MAP4: variants seen among roughly 807,000 people sequenced by gnomAD.
MAP4 encodes microtubule associated protein 4, also known as microtubule-associated protein 4.
MAP4 carries 76 observed loss-of-function variants against 170.2 expected under a neutral mutation model. The ratio of observed to expected loss-of-function variants is 0.45; its 90% confidence interval spans 0.37 to 0.54. The LOEUF is 0.54. Among genes scored for constraint, MAP4 ranks in the 20% least tolerant of loss-of-function variants. The pLI, the probability that MAP4 is intolerant of heterozygous loss-of-function variation, is 0.00. For synonymous variants in MAP4, 909 were observed against 994.5 expected (o/e 0.91, Z 1.62); for missense variants, 2,506 against 2,748.0 (o/e 0.91, Z 1.97).
chr3:47,980,040 C>T (rs1204076681), intron 2 of MAP4, among the ~76,000 whole-genome samples: 1 of 151,914 alleles, frequency 6.6e-6, no homozygotes, highest in East Asian at 1.9e-4. Flanking sequence ...CCTATGTTTC[C>T]CAGACTGCTC....
At chr3:47,976,377 A>C (rs2100082180) in intron 3 of MAP4, among the ~76,000 whole-genome samples, 1 of 152,138 alleles carries the variant, frequency 6.6e-6, no homozygotes, top group South Asian at 2.1e-4. Flanking sequence ...ATGACTTCCT[A>C]CTGGAGAAGA....
chr3:47,857,630 T>C, intron 17 of MAP4, 118 bp from the exon 18 acceptor site: 1 of 693,066 alleles, frequency 1.4e-6, no homozygotes. Flanking sequence ...TGTAAGCTGC[T>C]ATCTCAGTCT....
At chr3:47,861,631 G>C (rs1452466088) in intron 17 of MAP4, among the ~76,000 whole-genome samples, 3 of 151,222 alleles carry the variant, frequency 2.0e-5, no homozygotes, top group Non-Finnish European at 4.4e-5. Context: ...GATTACAGGT[G>C]TGAGCCACCA....
At chr3:47,882,351 T>G (rs1170430572) in intron 10 of MAP4, among the ~76,000 whole-genome samples, 1 of 152,194 alleles carries the variant, frequency 6.6e-6, no homozygotes, top group East Asian at 1.9e-4. Context: ...TGATATTTTA[T>G]TTTTTATTTG....
chr3:47,881,446 C>CTATATATATAGATATA (rs2096698550), intron 10 of MAP4, among the ~76,000 whole-genome samples: 1 of 49,482 alleles, frequency 2.0e-5, no homozygotes, highest in Admixed American at 2.0e-4. Context: ...GAAAAAACAA[C>CTATATATATAGATATA]TATATATATA....
At position 47,862,346 on chromosome 3, in the gene MAP4, C is replaced by CAA. The variant is rs57751818; in HGVS notation, c.6502-4836_6502-4835dup. The stretch of plus-strand genomic sequence containing the variant: ...TGAGGGACAGAGCGAGACTGTGTCT[C>CAA]AAAAAAAAAAAAAAAAAAAAAAAAA... On this transcript the variant is annotated intron_variant, in intron 17 of 20. Coordinates refer to ENST00000683076, the MANE Select transcript of MAP4 (RefSeq NM_001385682.1). Among the ~76,000 whole-genome samples the CAA allele has an allele frequency of 8.3e-3, 437 of 52,346 alleles. 44 individuals are homozygous for CAA. The highest frequency in any genetic ancestry group is 0.012 in the East Asian group (19 of 1,582). The allele number at this position is 52,346 out of a possible 152,430, so 34.3% of individuals were successfully genotyped here.
chr3:47,870,963 G>A lies in MAP4; in HGVS notation c.6144C>T (p.Phe2048=). The A allele has an allele frequency of 6.2e-7, 1 of 1,614,166 alleles. No homozygotes were observed. Among genetic ancestry groups the A allele is most frequent in the Non-Finnish European group, 8.5e-7 (1 of 1,179,980 alleles). Residue 2048 remains phenylalanine (F), a synonymous_variant, in exon 15 of 21, where the codon TTC becomes TTT. Coordinates refer to ENST00000683076, the MANE Select transcript of MAP4 (RefSeq NM_001385682.1). The part of the protein sequence containing the change: ...PMPSRPSTTP[F]IDKKPTSAKP... ...TGGCCGAGGTGGGCTTCTTGTCTAT[G>A]AAAGGAGTTGTGGAGGGCCGGGAGG...
In MAP4 at chr3:47,851,930, C is replaced by T. The variant is rs2042970192; in HGVS notation, c.*1004G>A. On this transcript the variant is annotated 3_prime_UTR_variant, in exon 21 of 21. Transcript: ENST00000683076. ...TGGCTTTTTATCCTAGGGCTGACCA[C>T]CAGATCCCAGGGAATGGGACAGAGA... The T allele has an allele frequency of 6.6e-6, 1 of 152,226 alleles. No homozygotes were observed. Among genetic ancestry groups the T allele is most frequent in the South Asian group, 2.1e-4 (1 of 4,834 alleles). The allele number at this position is 152,226 out of a possible 1,614,324, so 9.4% of individuals were successfully genotyped here.
At position 47,916,200 on chromosome 3, in the gene MAP4, C is replaced by A. The variant is rs899514032; in HGVS notation, c.1627G>T (p.Ala543Ser). ...GCTGGGACCTGATCCTCAGTCAGGG[C>A]CACCTCCATTTCTGGAGGCAGACAT... The part of the protein sequence containing the change: ...NVCLPPEMEV[A>S]LTEDQVPALK... Residue 543 changes from alanine to serine, a missense_variant, in exon 7 of 21, where the codon GCC (alanine) becomes TCC (serine). Transcript: ENST00000683076. 3 of 1,614,206 alleles carry A rather than the reference C, an allele frequency of 1.9e-6. No homozygotes were observed. The African/African-American group carries it at 4.0e-5, about 22-fold the overall frequency.
At chr3:47,915,011 T>C (rs1455808206) in intron 7 of MAP4, 72 bp from the exon 8 acceptor site, 20 of 1,591,216 alleles carry the variant, frequency 1.3e-5, no homozygotes, top group Non-Finnish European at 1.7e-5. Flanking sequence ...CTGCCAGAAA[T>C]TGGATATGGG....
intron 2 of MAP4, among the ~76,000 whole-genome samples, chr3:47,978,387 G>A (rs749145035): frequency 3.9e-5 from 6 of 151,938 alleles, no homozygotes; most frequent in African/African-American, 1.2e-4. Context: ...GTGCAACCTC[G>A]GCTCACTGCA....
intron 2 of MAP4, among the ~76,000 whole-genome samples, chr3:47,980,864 G>A (rs2100085039): frequency 6.6e-6 from 1 of 152,116 alleles, no homozygotes; most frequent in Non-Finnish European, 1.5e-5. Context: ...CATATTATAA[G>A]AAAATGGAAA....
At chr3:47,979,362 CA>C (rs1332423437) in intron 2 of MAP4, among the ~76,000 whole-genome samples, 1 of 152,070 alleles carries the variant, frequency 6.6e-6, no homozygotes, top group African/African-American at 2.4e-5. Flanking sequence ...ATCAACTGAC[CA>C]TATTACATTG....
intron 1 of MAP4, among the ~76,000 whole-genome samples, chr3:48,074,723 T>TGTGTGTGTGA (rs1559906380): frequency 1.1e-4 from 17 of 149,298 alleles, no homozygotes; most frequent in Admixed American, 3.5e-4. Context: ...TGTGTGTGTG[T>TGTGTGTGTGA]GTGATATGTC....
intron 2 of MAP4, among the ~76,000 whole-genome samples, chr3:47,997,707 CAAAGAAAG>C (rs59915035): frequency 7.1e-4 from 107 of 149,906 alleles, no homozygotes; most frequent in Middle Eastern, 3.5e-3. Flanking sequence ...CTAGACTTAT[CAAAGAAAG>C]AAAGAAAGAA....
intron 1 of MAP4, among the ~76,000 whole-genome samples, chr3:48,022,179 C>A (rs1245818190): frequency 6.6e-6 from 1 of 152,076 alleles, no homozygotes; most frequent in Non-Finnish European, 1.5e-5. Context: ...AAAAGTAATT[C>A]CAGGTGGATG....
intron 1 of MAP4, among the ~76,000 whole-genome samples, chr3:48,027,570 C>A (rs1307824381): frequency 6.6e-6 from 1 of 152,108 alleles, no homozygotes; most frequent in South Asian, 2.1e-4. Context: ...CAGGGCCAGG[C>A]GCGTTGGCTC....
chr3:47,871,408 G>T, intron 13 of MAP4, 122 bp from the exon 14 acceptor site: 1 of 822,152 alleles, frequency 1.2e-6, no homozygotes, highest in Non-Finnish European at 2.0e-6. Context: ...CAGGGACTGT[G>T]TTAGTCCCTG....
intron 9 of MAP4, among the ~76,000 whole-genome samples, chr3:47,904,590 G>A (rs1289094246): frequency 6.9e-6 from 1 of 144,472 alleles, no homozygotes. Context: ...ATTAACACCC[G>A]GATTAGTTAG....
Sources: allele counts gnomAD v4.1 joint callset (sites outside exome capture counted in the v4.1 genomes callset), GRCh38; gene constraint gnomAD v4.1.1; transcripts MANE v1.5; gene names NCBI Gene and HGNC (gene_info 2026-07-23, HGNC 2026-07-21).